Variants in ADCY2 observed in about 807,000 individuals in gnomAD.
ADCY2 encodes adenylate cyclase type 2.
A neutral mutation model predicts 125.2 loss-of-function variants in ADCY2; 31 were observed. The observed-to-expected ratio is 0.25, with a 90% CI of 0.19 to 0.33. The LOEUF is 0.33. Ranked by LOEUF, ADCY2 falls within the 10% of genes least tolerant of loss-of-function variation. ADCY2 has a pLI of 1.00. For synonymous variants in ADCY2, 512 were observed against 548.4 expected (o/e 0.93, Z 0.93); for missense variants, 904 against 1,418.2 (o/e 0.64, Z 5.82).
intron 11 of ADCY2, among the ~76,000 whole-genome samples, chr5:7,714,342 T>C (rs1741530894): frequency 6.6e-6 from 1 of 152,212 alleles, no homozygotes; most frequent in South Asian, 2.1e-4. Context: ...AAGAGTCTAT[T>C]TATAGAAGTT....
chr5:7,439,404 A>G (rs1740924797), intron 2 of ADCY2, among the ~76,000 whole-genome samples: 1 of 152,096 alleles, frequency 6.6e-6, no homozygotes, highest in Non-Finnish European at 1.5e-5. Flanking sequence ...CACTACCATG[A>G]GAACAGTATG....
intron 3 of ADCY2, among the ~76,000 whole-genome samples, chr5:7,555,037 A>G (rs1397112688): frequency 6.6e-6 from 1 of 152,194 alleles, no homozygotes; most frequent in African/African-American, 2.4e-5. Context: ...ATCAAAAGTC[A>G]TGCCTTCTTT....
chr5:7,566,965 G>A (rs1030286336), intron 3 of ADCY2, among the ~76,000 whole-genome samples: 12 of 152,120 alleles, frequency 7.9e-5, no homozygotes, highest in Non-Finnish European at 1.5e-4. Flanking sequence ...TTTGTAAAAT[G>A]CATTTTAAAA....
chr5:7,444,258 C>T (rs374983871), intron 2 of ADCY2, among the ~76,000 whole-genome samples: 18 of 151,838 alleles, frequency 1.2e-4, no homozygotes, highest in African/African-American at 4.3e-4. Context: ...GGACTACAGG[C>T]GCCCGCCACC....
At chr5:7,823,269 A>G (rs989632) in intron 24 of ADCY2, among the ~76,000 whole-genome samples, 82,168 of 152,074 alleles carry the variant, frequency 0.54, 22,548 homozygotes, top group Middle Eastern at 0.63. Flanking sequence ...TGGGGAGGAA[A>G]TATTCCAACC....
intron 22 of ADCY2, among the ~76,000 whole-genome samples, chr5:7,808,497 A>C (rs1482527277): frequency 1.3e-5 from 2 of 152,180 alleles, no homozygotes; most frequent in African/African-American, 2.4e-5. Context: ...GAGCCCTTAC[A>C]ACAAGCCTAG....
At position 7,712,890 on chromosome 5, in the gene ADCY2, G is replaced by T; in HGVS notation, c.1613G>T (p.Arg538Leu). The T allele has an allele frequency of 6.2e-7, 1 of 1,606,476 alleles. No homozygotes were observed. Among genetic ancestry groups the T allele is most frequent in the Non-Finnish European group, 8.5e-7 (1 of 1,173,894 alleles). The change falls in exon 11 of 25, where the codon CGC becomes CTC. Residue 538 changes from arginine (R) to leucine (L), a missense_variant. By Grantham distance (102) the Arg-to-Leu change is moderately radical. Transcript: ENST00000338316. ...ATGGGTCAGCATAATTTTCAAAATC[G>T]CACCTTAAGGTATGGTATCTCTCTA... is the stretch of plus-strand genomic sequence containing the variant. Reference protein sequence around the residue: ...VPMGQHNFQNRTLRTKSQKKR... With the variant: ...VPMGQHNFQNLTLRTKSQKKR...
intron 4 of ADCY2, among the ~76,000 whole-genome samples, chr5:7,652,167 C>T (rs868855340): frequency 6.6e-6 from 1 of 152,166 alleles, no homozygotes; most frequent in Non-Finnish European, 1.5e-5. Flanking sequence ...GATATGTCAA[C>T]ATTTATCACA....
chr5:7,647,100 C>T (rs1170649247), intron 4 of ADCY2, among the ~76,000 whole-genome samples: 1 of 152,200 alleles, frequency 6.6e-6, no homozygotes, highest in African/African-American at 2.4e-5. Context: ...ACTGAGCAGA[C>T]TCTTTCCTTG....
At chr5:7,444,736 T>C (rs1250981468) in intron 2 of ADCY2, among the ~76,000 whole-genome samples, 1 of 152,176 alleles carries the variant, frequency 6.6e-6, no homozygotes, top group Admixed American at 6.5e-5. Flanking sequence ...TGGACTGCTT[T>C]TCTTCCCCAG....
At position 7,743,771 on chromosome 5, in the gene ADCY2, C is replaced by T. The variant is rs1375038873; in HGVS notation, c.1956+19C>T. The T allele has an allele frequency of 1.3e-5, 21 of 1,606,848 alleles. No individual in the cohort carries two copies. The highest frequency in any genetic ancestry group is 1.7e-5 in the Non-Finnish European group (20 of 1,174,868). ...GCTTCTGGTAGGTATTCAAATGTGGCGCTTCTTTGAAAAGTATGCTCATTT... is the reference window on the plus strand; with the variant it reads ...GCTTCTGGTAGGTATTCAAATGTGGTGCTTCTTTGAAAAGTATGCTCATTT... On this transcript the variant is annotated intron_variant, in intron 15 of 24. Coordinates refer to ENST00000338316, the MANE Select transcript of ADCY2 (RefSeq NM_020546.3).
chr5:7,411,064 C>A (rs184109648), intron 1 of ADCY2, among the ~76,000 whole-genome samples: 69 of 152,316 alleles, frequency 4.5e-4, no homozygotes, highest in Middle Eastern at 3.4e-3. Flanking sequence ...TAAGCTCGTA[C>A]ATCCTCTAGT....
chr5:7,489,729 A>G (rs535099732), intron 2 of ADCY2, among the ~76,000 whole-genome samples: 2 of 152,336 alleles, frequency 1.3e-5, no homozygotes, highest in South Asian at 4.1e-4. Context: ...GAGGAGGGAC[A>G]TTTGGACTGA....
intron 2 of ADCY2, among the ~76,000 whole-genome samples, chr5:7,448,773 T>C (rs900856755): frequency 3.9e-5 from 6 of 152,202 alleles, no homozygotes; most frequent in Admixed American, 3.3e-4. Flanking sequence ...TAAAGGCTTC[T>C]AGCTCCGTCT....
intron 2 of ADCY2, among the ~76,000 whole-genome samples, chr5:7,419,999 T>C (rs1232148877): frequency 6.6e-6 from 1 of 152,196 alleles, no homozygotes; most frequent in Admixed American, 6.5e-5. Flanking sequence ...CCAAGGGGTC[T>C]GCCTCCTGAG....
intron 3 of ADCY2, among the ~76,000 whole-genome samples, chr5:7,522,110 A>G (rs1192613699): frequency 1.3e-5 from 2 of 152,184 alleles, no homozygotes; most frequent in Non-Finnish European, 2.9e-5. Flanking sequence ...ATCCAATGAG[A>G]GAATGAAGGT....
chr5:7,813,983 A>C (rs914870383), intron 22 of ADCY2, among the ~76,000 whole-genome samples: 31 of 152,054 alleles, frequency 2.0e-4, no homozygotes, highest in Non-Finnish European at 3.4e-4. Context: ...AACTGACTGC[A>C]CAAGCCTCCA....
chr5:7,760,450 A>G (rs1439346192), intron 16 of ADCY2, among the ~76,000 whole-genome samples: 1 of 152,202 alleles, frequency 6.6e-6, no homozygotes, highest in African/African-American at 2.4e-5. Context: ...TGGGTGACTG[A>G]CACATGCCCG....
rs35313115 is a variant in ADCY2 at position 7,417,404 on chromosome 5, T to A, written c.408+2634T>A. ...AGACTCTCAATTTATTTGTATAGAA[T>A]TTTCTTTCTCCCTTTCATATCCTTA... On this transcript the variant is annotated intron_variant, in intron 2 of 24. Transcript: ENST00000338316. Among the ~76,000 whole-genome samples, 129 of 152,234 alleles carry A rather than the reference T, an allele frequency of 8.5e-4. 1 individual carries two copies. Among genetic ancestry groups the A allele is most frequent in the African/African-American group, 3.0e-3 (124 of 41,516 alleles).
Sources: allele counts gnomAD v4.1 joint callset (sites outside exome capture counted in the v4.1 genomes callset), GRCh38; gene constraint gnomAD v4.1.1; transcripts MANE v1.5; gene names NCBI Gene and HGNC (gene_info 2026-07-23, HGNC 2026-07-21).